The following MTTP variants were observed in gnomAD, a reference collection of about 807,000 sequenced individuals.
MTTP encodes the protein microsomal triglyceride transfer protein.
Under a neutral mutation model 90.6 loss-of-function variants are expected in MTTP, and 49 were observed. The observed-to-expected ratio is 0.54, with a 90% CI of 0.43 to 0.69. The LOEUF is 0.69. MTTP is among the 30% of genes least tolerant of loss of function. The pLI is 0.00. For missense variants in MTTP, 945 were observed against 1,067.5 expected (o/e 0.89, Z 1.60); for synonymous variants, 347 against 384.2 (o/e 0.90, Z 1.13).
intron 4 of MTTP, 64 bp downstream of exon 4, chr4:99,589,814 C>G (rs1462979859): frequency 9.0e-7 from 1 of 1,113,186 alleles, no homozygotes; most frequent in Non-Finnish European, 1.4e-6. Flanking sequence ...TCTACTTATA[C>G]AATTTCAGTA....
intron 9 of MTTP, 27 bp downstream of exon 9, chr4:99,600,760 T>C (rs1725676815): frequency 6.2e-7 from 1 of 1,606,212 alleles, no homozygotes; most frequent in East Asian, 2.2e-5. Context: ...ATAAAGACCC[T>C]CAACTCCTAT....
intron 9 of MTTP, 22 bp from the exon 10 acceptor site, chr4:99,601,585 T>G: frequency 6.6e-7 from 1 of 1,515,004 alleles, no homozygotes; most frequent in Non-Finnish European, 9.2e-7. Flanking sequence ...GGTAACCTAT[T>G]TTATCCCTGT....
chr4:99,592,780 AT>A (rs1282125422), intron 6 of MTTP, among the ~76,000 whole-genome samples: 4 of 152,270 alleles, frequency 2.6e-5, no homozygotes, highest in African/African-American at 9.6e-5. Context: ...CTTACAGTTA[AT>A]TTTTTTAATA....
upstream of MTTP, among the ~76,000 whole-genome samples, chr4:99,573,499 A>G (rs1189527319): frequency 4.6e-5 from 7 of 152,304 alleles, no homozygotes; most frequent in Admixed American, 3.3e-4. Context: ...GCTAGGTACT[A>G]TAGCTATATT....
chr4:99,612,363 CG>C (rs935495300), intron 14 of MTTP, among the ~76,000 whole-genome samples: 3 of 144,816 alleles, frequency 2.1e-5, no homozygotes, highest in African/African-American at 5.1e-5. Flanking sequence ...TGGTGTTTAT[CG>C]ACTTTTTTTT....
chr4:99,594,607 T>C, intron 6 of MTTP, 126 bp from the exon 7 acceptor site: 1 of 1,076,104 alleles, frequency 9.3e-7, no homozygotes, highest in Non-Finnish European at 1.4e-6. Flanking sequence ...GATATCACAG[T>C]TTGAAAGACA....
intron 6 of MTTP, among the ~76,000 whole-genome samples, chr4:99,593,633 A>G (rs941679544): frequency 2.0e-5 from 3 of 152,152 alleles, no homozygotes; most frequent in Admixed American, 1.3e-4. Flanking sequence ...ACCTTATGCC[A>G]TTGCTTCTCA....
chr4:99,597,452 G>T (rs1480773770), intron 8 of MTTP, among the ~76,000 whole-genome samples: 2 of 152,178 alleles, frequency 1.3e-5, no homozygotes, highest in African/African-American at 2.4e-5. Flanking sequence ...TAAACATGTT[G>T]TTGTGTTTAT....
At position 99,623,172 on chromosome 4, in the gene MTTP, C is replaced by G. The variant is rs1726284308; in HGVS notation, c.*324C>G. 5.3e-5 allele frequency: 19 copies of G among 357,100 alleles called. No homozygotes were observed. The highest frequency in any genetic ancestry group is 5.1e-4 in the South Asian group (19 of 37,074). 22.1% of individuals were successfully genotyped at this position (357,100 alleles called of 1,614,324 possible). A position where few individuals can be genotyped will look rare whatever the true frequency, so the allele number is the denominator to read the frequency against. On this transcript the variant is annotated 3_prime_UTR_variant, in exon 18 of 18. Transcript: ENST00000265517. ...GTTAAAAACAAAAATAAAAACAAAA[C>G]CACACAAGGAGAACCCAATTTTGTT...
At position 99,621,180 on chromosome 4, in the gene MTTP, A is replaced by T. The variant is rs775519384; in HGVS notation, c.2462A>T (p.Gln821Leu). 1 of 1,614,114 alleles carries T rather than the reference A, an allele frequency of 6.2e-7. No individual in the cohort carries two copies. The highest frequency in any genetic ancestry group is 2.2e-5 in the East Asian group (1 of 44,888). Reference sequence around the variant, plus strand: ...TTTATCTCCACAGTGCAGTTTTCTCAGTACCCATTCTTAGTTTGCATGCAG... The same window carrying T: ...TTTATCTCCACAGTGCAGTTTTCTCTGTACCCATTCTTAGTTTGCATGCAG... ...LEFISTVQFS[Q>L]YPFLVCMQMD... The change falls in exon 17 of 18, where the codon CAG becomes CTG. Residue 821 changes from glutamine to leucine, a missense_variant. Transcript: ENST00000265517.
upstream of MTTP, chr4:99,570,779 A>C (rs1411892370): frequency 2.2e-6 from 1 of 455,764 alleles, no homozygotes; most frequent in Admixed American, 2.3e-5. Context: ...TGAAGTAAAA[A>C]GGATTCAGCT....
At chr4:99,578,564 T>A (rs1021216041) in intron 1 of MTTP, among the ~76,000 whole-genome samples, 1 of 152,230 alleles carries the variant, frequency 6.6e-6, no homozygotes, top group South Asian at 2.1e-4. Context: ...GGGCCCATTC[T>A]TTTCTGTGCT....
rs114285098 is a variant in MTTP at position 99,581,327 on chromosome 4, G to A, written c.62-578G>A. On this transcript the variant is annotated intron_variant, in intron 1 of 17. Transcript: ENST00000265517. ...TATAGTAAAACATTATTTTATTCGG[G>A]CACAGCTAATTTAAAGTTACATATG... Among the ~76,000 whole-genome samples the A allele has an allele frequency of 4.8e-3, 723 of 152,158 alleles. 3 individuals carry two copies. The highest frequency in any genetic ancestry group is 8.5e-3 in the Non-Finnish European group (575 of 68,004).
In MTTP at chr4:99,580,035, CAA is replaced by C. The variant is rs34092272; in HGVS notation, c.62-1850_62-1849del. On this transcript the variant is annotated intron_variant, in intron 1 of 17. Coordinates refer to ENST00000265517, the MANE Select transcript of MTTP (RefSeq NM_001386140.1). ...TGGGTGACAGAGTGAGACCCTGTCT[CAA>C]AAAAAAAAAAAAAAAAAAAGTAAAG... 9.4e-3 allele frequency among the ~76,000 whole-genome samples: 568 copies of C among 60,588 alleles called. 6 individuals are homozygous for C. Among genetic ancestry groups the C allele is most frequent in the African/African-American group, 0.03 (499 of 16,842 alleles). 39.7% of individuals were successfully genotyped at this position (60,588 alleles called of 152,430 possible). A position where few individuals can be genotyped will look rare whatever the true frequency, so the allele number is the denominator to read the frequency against.
chr4:99,577,600 T>G lies in MTTP; in HGVS notation c.61+2630T>G, dbSNP rs1724996643. On this transcript the variant is annotated intron_variant, in intron 1 of 17. Coordinates refer to ENST00000265517, the MANE Select transcript of MTTP (RefSeq NM_001386140.1). ...AGCCTGGGCAATAAGAGCGAAACTC[T>G]GTTTCAAAAAAAAAAAAAAAAAGAA... Among the ~76,000 whole-genome samples the G allele has an allele frequency of 3.1e-5, 3 of 98,176 alleles. No homozygotes were observed. In the South Asian group the frequency reaches 9.6e-4, roughly 31 times the overall value. 64.4% of individuals were successfully genotyped at this position (98,176 alleles called of 152,430 possible).
At chr4:99,598,618 C>T (rs1725615284) in intron 8 of MTTP, among the ~76,000 whole-genome samples, 1 of 135,050 alleles carries the variant, frequency 7.4e-6, no homozygotes, top group African/African-American at 2.8e-5. Context: ...AGTTTAAATT[C>T]TGACCTCCAA....
intron 1 of MTTP, among the ~76,000 whole-genome samples, chr4:99,564,651 C>A (rs765306579): frequency 6.6e-6 from 1 of 152,216 alleles, no homozygotes; most frequent in African/African-American, 2.4e-5. Flanking sequence ...TGAAATACAA[C>A]CCCGTAGATT....
At chr4:99,613,676 A>AT (rs1189407083) in intron 15 of MTTP, among the ~76,000 whole-genome samples, 4 of 152,194 alleles carry the variant, frequency 2.6e-5, no homozygotes, top group African/African-American at 9.7e-5. Flanking sequence ...TCTCAGAAAG[A>AT]TGTGTTCATT....
At chr4:99,585,675 T>C (rs1560615378) in intron 3 of MTTP, among the ~76,000 whole-genome samples, 1 of 152,120 alleles carries the variant, frequency 6.6e-6, no homozygotes, top group Non-Finnish European at 1.5e-5. Context: ...GTACAAAGTC[T>C]TCTGCTACAC....
Sources: gnomAD v4.1 joint callset for allele counts (sites outside exome capture counted in the v4.1 genomes callset) on GRCh38, gnomAD v4.1.1 for gene constraint, MANE v1.5 for transcripts, NCBI Gene and HGNC (gene_info 2026-07-23, HGNC 2026-07-21) for gene names.